Variants in CDC5L observed in about 807,000 individuals in gnomAD.
CDC5L encodes the protein cell division cycle 5 like.
Under a neutral mutation model 104.1 loss-of-function variants are expected in CDC5L, and 18 were observed. The ratio of observed to expected loss-of-function variants is 0.17; its 90% CI spans 0.12 to 0.26. CDC5L has a LOEUF of 0.26. CDC5L is among the 10% of genes least tolerant of loss of function. The pLI is 1.00. For missense variants in CDC5L, 673 were observed against 956.9 expected (o/e 0.70, Z 3.91); for synonymous variants, 331 against 322.7 (o/e 1.03, Z -0.28).
chr6:44,404,615 T>C (rs1308506365), intron 6 of CDC5L, among the ~76,000 whole-genome samples: 1 of 152,220 alleles, frequency 6.6e-6, no homozygotes, highest in Non-Finnish European at 1.5e-5. Context: ...ATCTTAACTT[T>C]TATGTACATT....
At chr6:44,411,688 C>G (rs1358666351) in intron 8 of CDC5L, among the ~76,000 whole-genome samples, 1 of 141,200 alleles carries the variant, frequency 7.1e-6, no homozygotes, top group African/African-American at 2.6e-5. Flanking sequence ...TTTTTATTAT[C>G]ACTCTTTTTC....
rs746054981 is a variant in CDC5L at position 44,447,598 on chromosome 6, A to G, written c.*887A>G. On this transcript the variant is annotated 3_prime_UTR_variant, in exon 16 of 16. Coordinates refer to ENST00000371477, the MANE Select transcript of CDC5L (RefSeq NM_001253.4). ...GACTAGCAATGTTTTGACATCACCAAAAACGTTTGCCCAGTCTTAGAATAC... is the reference window on the plus strand; with the variant it reads ...GACTAGCAATGTTTTGACATCACCAGAAACGTTTGCCCAGTCTTAGAATAC... 2 of 152,176 alleles carry G rather than the reference A, an allele frequency of 1.3e-5. No homozygotes were observed. Among genetic ancestry groups the G allele is most frequent in the Non-Finnish European group, 2.9e-5 (2 of 68,026 alleles). The allele number at this position is 152,176 out of a possible 1,614,324, so 9.4% of individuals were successfully genotyped here. A position where few individuals can be genotyped will look rare whatever the true frequency, so the allele number is the denominator to read the frequency against.
rs768509617 is a variant in CDC5L at position 44,408,568 on chromosome 6, T to C, written c.1028T>C (p.Val343Ala). ...ASSTLLSEYN[V>A]TNNSVALRTP... is the part of the protein sequence containing the mutation. ...AGTACACTTTTGTCTGAGTACAATGTCACCAACAACAGCGTTGCTCTTAGA... is the reference window on the plus strand; with the variant it reads ...AGTACACTTTTGTCTGAGTACAATGCCACCAACAACAGCGTTGCTCTTAGA... The change falls in exon 8 of 16, where the codon GTC (valine) becomes GCC (alanine). Residue 343 changes from valine (V) to alanine (A), a missense_variant. This residue lies in a region of CDC5L where 578 missense variants were observed against 737.0 expected (regional missense o/e 0.78). Coordinates refer to ENST00000371477, the MANE Select transcript of CDC5L (RefSeq NM_001253.4). The C allele has an allele frequency of 1.9e-6, 3 of 1,613,732 alleles. No homozygotes were observed. Among genetic ancestry groups the C allele is most frequent in the Non-Finnish European group, 2.5e-6 (3 of 1,179,774 alleles).
chr6:44,416,988 T>C (rs1052260638), intron 8 of CDC5L, among the ~76,000 whole-genome samples: 3 of 152,346 alleles, frequency 2.0e-5, no homozygotes, highest in East Asian at 1.9e-4. Flanking sequence ...AATAAAGATA[T>C]ACAGAATAAT....
At chr6:44,411,555 G>A (rs9472276) in intron 8 of CDC5L, among the ~76,000 whole-genome samples, 2,599 of 151,132 alleles carry the variant, frequency 0.017, 76 homozygotes, top group African/African-American at 0.058. Flanking sequence ...AATCTTTTTT[G>A]TACTCTCTTC....
At chr6:44,411,144 T>C (rs1791605005) in intron 8 of CDC5L, among the ~76,000 whole-genome samples, 1 of 152,128 alleles carries the variant, frequency 6.6e-6, no homozygotes, top group Non-Finnish European at 1.5e-5. Flanking sequence ...TCTTTCCTTA[T>C]GGGTATTTCC....
At chr6:44,413,913 A>G (rs1021841610) in intron 8 of CDC5L, among the ~76,000 whole-genome samples, 2 of 152,128 alleles carry the variant, frequency 1.3e-5, no homozygotes, top group South Asian at 4.1e-4. Flanking sequence ...GGAATGTGGA[A>G]GGGTTCTAAT....
At chr6:44,388,675 C>CT (rs975766196) in intron 1 of CDC5L, among the ~76,000 whole-genome samples, 12,168 of 131,028 alleles carry the variant, frequency 0.093, 663 homozygotes, top group African/African-American at 0.16. Flanking sequence ...TTTATGGCTT[C>CT]TTTTTTTTTT....
chr6:44,443,110 C>CTTCTT (rs1405101309), intron 14 of CDC5L, among the ~76,000 whole-genome samples: 4 of 148,446 alleles, frequency 2.7e-5, no homozygotes, highest in Admixed American at 6.8e-5. Flanking sequence ...TCCTTCCTTC[C>CTTCTT]TTCTTTTCTT....
At chr6:44,411,673 TTTG>T (rs1791649027) in intron 8 of CDC5L, among the ~76,000 whole-genome samples, 1 of 107,224 alleles carries the variant, frequency 9.3e-6, no homozygotes, top group African/African-American at 3.4e-5. Context: ...TCCTATAGAC[TTTG>T]TTTTTTATTA....
intron 14 of CDC5L, among the ~76,000 whole-genome samples, chr6:44,436,504 A>C (rs531168810): frequency 6.6e-6 from 1 of 152,292 alleles, no homozygotes; most frequent in Admixed American, 6.5e-5. Flanking sequence ...TTAATGTCTC[A>C]TTATATTTCA....
At position 44,406,424 on chromosome 6, in the gene CDC5L, A is replaced by C; in HGVS notation, c.860A>C (p.Glu287Ala). The change falls in exon 7 of 16, where the codon GAA becomes GCA. Residue 287 changes from glutamate (E) to alanine (A), a missense_variant. Coordinates refer to ENST00000371477, the MANE Select transcript of CDC5L (RefSeq NM_001253.4). ...SAILQTSGVSEFTKKRSKLVL... is the reference protein window; with the variant it reads ...SAILQTSGVSAFTKKRSKLVL... ...ATTCTTCAAACTAGTGGTGTTTCTG[A>C]ATTTACTAAAAAGAGAAGCAAACTA... is the stretch of plus-strand genomic sequence containing the variant. The C allele has an allele frequency of 2.5e-6, 4 of 1,611,318 alleles. No homozygotes were observed. The highest frequency in any genetic ancestry group is 3.4e-6 in the Non-Finnish European group (4 of 1,179,304).
At chr6:44,425,725 CAA>C (rs1337114210) in intron 11 of CDC5L, among the ~76,000 whole-genome samples, 1 of 151,990 alleles carries the variant, frequency 6.6e-6, no homozygotes, top group Non-Finnish European at 1.5e-5. Context: ...AATCAGGAAA[CAA>C]TACATTTTTT....
chr6:44,438,344 G>C (rs1322344984), intron 14 of CDC5L, among the ~76,000 whole-genome samples: 3 of 152,192 alleles, frequency 2.0e-5, no homozygotes, highest in Non-Finnish European at 4.4e-5. Flanking sequence ...GGTAGATATA[G>C]TTGAGAAAAC....
intron 14 of CDC5L, 106 bp from the exon 15 acceptor site, chr6:44,445,549 T>G: frequency 1.5e-6 from 1 of 684,442 alleles, no homozygotes; most frequent in South Asian, 1.9e-5. Context: ...TTCTAGTGTA[T>G]TTTTGCTTTG....
intron 9 of CDC5L, among the ~76,000 whole-genome samples, chr6:44,420,849 C>T (rs985466282): frequency 6.6e-6 from 1 of 152,116 alleles, no homozygotes. Flanking sequence ...TTATCTATAC[C>T]GGCAATGAAA....
In CDC5L at chr6:44,419,604, T is replaced by C; in HGVS notation, c.1241+7T>C. On this transcript the variant is annotated splice_region_variant and intron_variant, in intron 9 of 15. Transcript: ENST00000371477. The stretch of plus-strand genomic sequence containing the variant: ...TTCTCTCTACTCCATTCAGGTATTG[T>C]AAATGAACACGTTTTTATTTTAGAA... 1 of 1,607,272 alleles carries C rather than the reference T, an allele frequency of 6.2e-7. No individual in the cohort carries two copies. The highest frequency in any genetic ancestry group is 8.5e-7 in the Non-Finnish European group (1 of 1,174,620).
At chr6:44,405,825 G>A (rs936953101) in intron 6 of CDC5L, among the ~76,000 whole-genome samples, 1 of 151,612 alleles carries the variant, frequency 6.6e-6, no homozygotes, top group African/African-American at 2.4e-5. Context: ...GCTATTCTGA[G>A]TTTGCTTTTA....
rs79270322 is a variant in CDC5L, at chr6:44,408,230, A to G, written c.904-214A>G. On this transcript the variant is annotated intron_variant, in intron 7 of 15. Transcript: ENST00000371477. The stretch of plus-strand genomic sequence containing the variant: ...AGCAATTCATTTTTCTGGAATATGG[A>G]AATTTAAAGCTGTGTCAGCTCTCAG... 8.1e-4 allele frequency among the ~76,000 whole-genome samples: 124 copies of G among 152,240 alleles called. No individual in the cohort carries two copies. The East Asian group carries it at 0.022, about 27-fold the overall frequency.
Sources: gnomAD v4.1 joint callset for allele counts (sites outside exome capture counted in the v4.1 genomes callset) on GRCh38, gnomAD v4.1.1 for gene constraint, gnomAD v4.1.1 regional missense constraint, MANE v1.5 for transcripts, NCBI Gene and HGNC (gene_info 2026-07-23, HGNC 2026-07-21) for gene names.